The following NRXN3 variants were observed in gnomAD, a reference collection of about 807,000 sequenced individuals.
NRXN3 encodes neurexin III.
A neutral mutation model predicts 137.6 loss-of-function variants in NRXN3; 32 were observed. The ratio of observed to expected loss-of-function variants is 0.23; its 90% CI spans 0.18 to 0.31. The LOEUF is 0.31. Among genes scored for constraint, NRXN3 ranks in the 10% least tolerant of loss-of-function variants. NRXN3 has a pLI of 1.00. For synonymous variants in NRXN3, 798 were observed against 784.5 expected (o/e 1.02, Z -0.29); for missense variants, 1,574 against 2,062.5 (o/e 0.76, Z 4.59).
At chr14:79,725,014 T>C (rs1432393663) in intron 19 of NRXN3, among the ~76,000 whole-genome samples, 1 of 152,160 alleles carries the variant, frequency 6.6e-6, no homozygotes, top group African/African-American at 2.4e-5. Flanking sequence ...GATTGTAATG[T>C]GTGCACAGAG....
intron 16 of NRXN3, among the ~76,000 whole-genome samples, chr14:79,578,901 G>T (rs1254562726): frequency 6.6e-6 from 1 of 152,108 alleles, no homozygotes; most frequent in Non-Finnish European, 1.5e-5. Context: ...GTATGTGGCT[G>T]TAAGTAAATC....
chr14:78,246,212 C>T (rs376787299), intron 2 of NRXN3, among the ~76,000 whole-genome samples: 5 of 151,812 alleles, frequency 3.3e-5, no homozygotes, highest in Non-Finnish European at 4.4e-5. Context: ...AGCACTTTTC[C>T]GCAGGAAAAA....
chr14:78,921,918 C>G (rs1459231313), intron 10 of NRXN3, among the ~76,000 whole-genome samples: 1 of 152,106 alleles, frequency 6.6e-6, no homozygotes, highest in African/African-American at 2.4e-5. Context: ...CTTAAAAAAC[C>G]ACTTCCCTAA....
Position 78,182,834 on chromosome 14 carries a change from T to C in NRXN3, c.-704+12160T>C, listed in dbSNP as rs114049636. Among the ~76,000 whole-genome samples, 1,393 of 152,282 alleles carry C rather than the reference T, an allele frequency of 9.1e-3. 16 individuals are homozygous for C. The highest frequency in any genetic ancestry group is 0.032 in the African/African-American group (1,333 of 41,530). On this transcript the variant is annotated intron_variant, in intron 1 of 20. Coordinates refer to ENST00000335750, the MANE Select transcript of NRXN3 (RefSeq NM_001330195.2). The stretch of plus-strand genomic sequence containing the variant: ...ATAAGTAGGAATTCTTATCCCTTTT[T>C]TTGCAGGTGAGAAAAAAAAAGTTTT...
At chr14:78,356,453 C>G (rs1244874942) in intron 4 of NRXN3, among the ~76,000 whole-genome samples, 1 of 152,224 alleles carries the variant, frequency 6.6e-6, no homozygotes, top group Non-Finnish European at 1.5e-5. Context: ...GGGACTCCTC[C>G]CAGGTCTTCA....
At chr14:78,687,403 G>T (rs1304715749) in intron 6 of NRXN3, among the ~76,000 whole-genome samples, 2 of 152,202 alleles carry the variant, frequency 1.3e-5, no homozygotes, top group Non-Finnish European at 2.9e-5. Flanking sequence ...GATTAGAGTA[G>T]AAGTGATGGG....
chr14:78,753,082 C>A (rs141124832), intron 8 of NRXN3, among the ~76,000 whole-genome samples: 1 of 152,254 alleles, frequency 6.6e-6, no homozygotes, highest in East Asian at 1.9e-4. Context: ...AACCACACAC[C>A]CACGTTACAC....
At chr14:79,264,275 G>C (rs2078091286) in intron 15 of NRXN3, among the ~76,000 whole-genome samples, 1 of 152,020 alleles carries the variant, frequency 6.6e-6, no homozygotes, top group African/African-American at 2.4e-5. Context: ...TTTTAGTAGA[G>C]ACAGGGTTTC....
At chr14:78,629,285 C>G (rs2097498369) in intron 4 of NRXN3, among the ~76,000 whole-genome samples, 1 of 152,220 alleles carries the variant, frequency 6.6e-6, no homozygotes, top group African/African-American at 2.4e-5. Context: ...GCTCCTTTCT[C>G]TCTCCTTTCT....
chr14:78,584,157 G>C (rs1566814465), intron 4 of NRXN3, among the ~76,000 whole-genome samples: 1 of 152,102 alleles, frequency 6.6e-6, no homozygotes, highest in Admixed American at 6.5e-5. Context: ...CAGATTAGTG[G>C]ATGACATCTC....
At chr14:79,701,609 G>T (rs1471734607) in intron 19 of NRXN3, among the ~76,000 whole-genome samples, 2 of 152,050 alleles carry the variant, frequency 1.3e-5, no homozygotes, top group African/African-American at 4.8e-5. Context: ...ACTTCCAGGG[G>T]CAGGAAGTAG....
intron 16 of NRXN3, among the ~76,000 whole-genome samples, chr14:79,573,854 G>A (rs532939726): frequency 2.0e-5 from 3 of 151,992 alleles, no homozygotes; most frequent in East Asian, 3.9e-4. Flanking sequence ...ATACTAAGTG[G>A]TTTCAAATCA....
chr14:78,287,645 T>G (rs2075320699), intron 3 of NRXN3, among the ~76,000 whole-genome samples: 1 of 152,250 alleles, frequency 6.6e-6, no homozygotes, highest in African/African-American at 2.4e-5. Context: ...ACTGAACATT[T>G]GAAAGCTCTT....
At chr14:78,354,006 T>C (rs991792011) in intron 4 of NRXN3, among the ~76,000 whole-genome samples, 1 of 152,228 alleles carries the variant, frequency 6.6e-6, no homozygotes, top group Admixed American at 6.5e-5. Context: ...TTCAAAAGTC[T>C]TCTAGCTTCA....
intron 8 of NRXN3, among the ~76,000 whole-genome samples, chr14:78,757,742 G>A (rs113029883): frequency 0.04 from 6,036 of 152,226 alleles, 174 homozygotes; most frequent in South Asian, 0.1. Flanking sequence ...ATAAATTCTG[G>A]GGTTTGGTTA....
At chr14:79,262,393 GAAGA>G (rs2077748373) in intron 15 of NRXN3, among the ~76,000 whole-genome samples, 1 of 148,466 alleles carries the variant, frequency 6.7e-6, no homozygotes, top group Non-Finnish European at 1.5e-5. Context: ...GGAGAAGGAA[GAAGA>G]AAGGAGGAGG....
intron 15 of NRXN3, among the ~76,000 whole-genome samples, chr14:79,284,089 A>T (rs1294676305): frequency 1.3e-5 from 2 of 151,874 alleles, no homozygotes; most frequent in Non-Finnish European, 2.9e-5. Flanking sequence ...TAGTGATTAC[A>T]GATATATAAA....
intron 15 of NRXN3, among the ~76,000 whole-genome samples, chr14:79,276,581 G>A (rs1055165931): frequency 5.9e-5 from 9 of 152,072 alleles, no homozygotes; most frequent in Admixed American, 3.3e-4. Context: ...AGCATTTCCA[G>A]ATTTTGTACT....
intron 1 of NRXN3, among the ~76,000 whole-genome samples, chr14:78,203,873 G>T (rs916569961): frequency 2.6e-4 from 29 of 113,650 alleles, no homozygotes; most frequent in African/African-American, 1.0e-3. Context: ...TGTGTGTGTG[G>T]TTTGTGTGTC....
Sources: gnomAD v4.1 joint callset for allele counts (sites outside exome capture counted in the v4.1 genomes callset) on GRCh38, gnomAD v4.1.1 for gene constraint, MANE v1.5 for transcripts, NCBI Gene and HGNC (gene_info 2026-07-23, HGNC 2026-07-21) for gene names.